Variants in PCDHGB2 observed in about 807,000 individuals in gnomAD.
PCDHGB2 encodes protocadherin gamma subfamily B, 2.
PCDHGB2 carries 55 observed loss-of-function variants against 59.3 expected under a neutral mutation model. The ratio of observed to expected loss-of-function variants is 0.93; its 90% CI spans 0.75 to 1.16. The LOEUF (loss-of-function observed/expected upper bound fraction) is 1.16, where lower values mean the gene tolerates loss of function less well. Among genes scored for constraint, PCDHGB2 ranks in the 50% most tolerant of loss-of-function variants. The pLI is 0.00. For synonymous variants in PCDHGB2, 516 were observed against 512.0 expected (o/e 1.01, Z -0.11); for missense variants, 1,228 against 1,198.5 (o/e 1.02, Z -0.36).
Position 141,420,935 on chromosome 5 carries a change from A to G in PCDHGB2, c.2421+58379A>G, listed in dbSNP as rs542779087. ...GTGATTCACAAAGGTGAGCGTAATCATTTCTTCTGGAATTTCTTAGTCGTT... is the reference window on the plus strand; with the variant it reads ...GTGATTCACAAAGGTGAGCGTAATCGTTTCTTCTGGAATTTCTTAGTCGTT... On this transcript the variant is annotated intron_variant, in intron 1 of 3. Coordinates refer to ENST00000522605, the MANE Select transcript of PCDHGB2 (RefSeq NM_018923.3). 2.6e-5 allele frequency: 10 copies of G among 380,486 alleles called. 1 individual carries two copies. Among genetic ancestry groups the G allele is most frequent in the African/African-American group, 1.7e-4 (8 of 47,720 alleles). The allele number at this position is 380,486 out of a possible 1,614,324, so 23.6% of individuals were successfully genotyped here.
intron 1 of PCDHGB2, among the ~76,000 whole-genome samples, chr5:141,459,376 G>A (rs72790056): frequency 0.022 from 3,347 of 152,266 alleles, 53 homozygotes; most frequent in South Asian, 0.04. Flanking sequence ...TATCAGCAGC[G>A]TGTTCCATTT....
chr5:141,497,858 C>T (rs920483410), intron 2 of PCDHGB2, among the ~76,000 whole-genome samples: 3 of 152,218 alleles, frequency 2.0e-5, no homozygotes, highest in Non-Finnish European at 2.9e-5. Flanking sequence ...TTTGATTCAG[C>T]GGCTCCAAAG....
At position 141,361,201 on chromosome 5, in the gene PCDHGB2, C is replaced by T; in HGVS notation, c.1066C>T (p.Leu356=). Residue 356 remains leucine, a synonymous_variant, in exon 1 of 4, where the codon CTA becomes TTA. Transcript: ENST00000522605. ...EVIVTSVSTP[L]PEDSPPGTVI... is the part of the protein sequence containing the mutation. The stretch of plus-strand genomic sequence containing the variant: ...TATTGTGACTTCAGTATCTACTCCC[C>T]TACCGGAGGATTCGCCACCAGGAAC... The T allele has an allele frequency of 6.2e-7, 1 of 1,613,980 alleles. No individual in the cohort carries two copies. Among genetic ancestry groups the T allele is most frequent in the Non-Finnish European group, 8.5e-7 (1 of 1,179,882 alleles).
chr5:141,404,628 C>T (rs1183309479), intron 1 of PCDHGB2: 2 of 1,614,100 alleles, frequency 1.2e-6, no homozygotes, highest in Non-Finnish European at 1.7e-6. Flanking sequence ...AATGACAATG[C>T]CCCAGAAATC....
At chr5:141,508,162 G>A (rs377676571) in intron 3 of PCDHGB2, 4 of 152,502 alleles carry the variant, frequency 2.6e-5, no homozygotes, top group African/African-American at 9.7e-5. Context: ...CCTGAGTAGA[G>A]GCTGGCACAG....
intron 1 of PCDHGB2, among the ~76,000 whole-genome samples, chr5:141,484,819 G>A (rs2099601374): frequency 1.3e-5 from 2 of 152,122 alleles, no homozygotes; most frequent in Admixed American, 1.3e-4. Flanking sequence ...GCCGTTGAGC[G>A]GGAGGAAGGC....
intron 1 of PCDHGB2, among the ~76,000 whole-genome samples, chr5:141,444,770 C>A (rs1382748105): frequency 2.6e-5 from 4 of 152,078 alleles, no homozygotes; most frequent in African/African-American, 9.7e-5. Context: ...TTTCTATATT[C>A]TTGATCATGT....
intron 1 of PCDHGB2, among the ~76,000 whole-genome samples, chr5:141,473,185 G>A (rs1171761852): frequency 1.3e-5 from 2 of 152,188 alleles, no homozygotes; most frequent in Non-Finnish European, 2.9e-5. Flanking sequence ...ACTTGAAGGA[G>A]TAAATGTATC....
Position 141,486,219 on chromosome 5 carries a change from A to G in PCDHGB2, c.2422-8588A>G. 1 of 1,614,134 alleles carries G rather than the reference A, an allele frequency of 6.2e-7. No individual in the cohort carries two copies. Among genetic ancestry groups the G allele is most frequent in the African/African-American group, 1.3e-5 (1 of 75,042 alleles). ...CTGGACGTAAATGACAATGCCCCTT[A>G]CATCACAGTGACCTCAGAGCTTGGA... On this transcript the variant is annotated intron_variant, in intron 1 of 3. Transcript: ENST00000522605. This position sits in a 1 kb window ranked among gnomAD's most constrained non-coding sequence, Gnocchi z 5.0.
chr5:141,386,298 A>T (rs1459802596), intron 1 of PCDHGB2, among the ~76,000 whole-genome samples: 1 of 152,242 alleles, frequency 6.6e-6, no homozygotes, highest in African/African-American at 2.4e-5. Flanking sequence ...ACATTTTAGT[A>T]AAGCTCAGTA....
intron 1 of PCDHGB2, chr5:141,394,323 T>A (rs1323089912): frequency 6.2e-7 from 1 of 1,613,982 alleles, no homozygotes; most frequent in South Asian, 1.1e-5. Flanking sequence ...CCTGTCCTCG[T>A]ATATCTCCAT....
intron 1 of PCDHGB2, among the ~76,000 whole-genome samples, chr5:141,435,175 C>T (rs1199067294): frequency 6.6e-6 from 1 of 152,030 alleles, no homozygotes; most frequent in East Asian, 1.9e-4. Context: ...TGGCTTTTAA[C>T]TACACTTGAG....
chr5:141,384,053 C>T (rs1329974843), intron 1 of PCDHGB2: 1 of 1,610,750 alleles, frequency 6.2e-7, no homozygotes, highest in Non-Finnish European at 8.5e-7. Context: ...GTGACCTGCA[C>T]CATTCCAGAA....
At chr5:141,423,836 GATA>G (rs752488755) in intron 1 of PCDHGB2, 23 of 1,275,246 alleles carry the variant, frequency 1.8e-5, no homozygotes, top group Non-Finnish European at 2.1e-5. Context: ...ATGAGATTAC[GATA>G]ATCTTTCAGA....
intron 1 of PCDHGB2, chr5:141,398,400 C>T: frequency 6.8e-7 from 1 of 1,465,224 alleles, no homozygotes; most frequent in Non-Finnish European, 9.5e-7. Context: ...GCAGGCTAGA[C>T]AGGGAGGAGA....
At chr5:141,499,331 TCA>T (rs2099791249) in intron 2 of PCDHGB2, among the ~76,000 whole-genome samples, 1 of 152,220 alleles carries the variant, frequency 6.6e-6, no homozygotes, top group African/African-American at 2.4e-5. Context: ...CTGCTCTCTC[TCA>T]GTTTGGGCAG....
intron 1 of PCDHGB2, chr5:141,430,844 A>C: frequency 6.4e-7 from 1 of 1,571,464 alleles, no homozygotes; most frequent in Non-Finnish European, 8.6e-7. Flanking sequence ...GACCGGATGC[A>C]CCCAGATACG....
At chr5:141,378,196 A>T (rs1197830416) in intron 1 of PCDHGB2, 1 of 152,188 alleles carries the variant, frequency 6.6e-6, no homozygotes, top group Non-Finnish European at 1.5e-5. Flanking sequence ...TGCCTACTAC[A>T]GTGTCTTTTG....
chr5:141,388,521 ACTGC>A, intron 1 of PCDHGB2: 1 of 1,613,840 alleles, frequency 6.2e-7, no homozygotes, highest in Non-Finnish European at 8.5e-7. Context: ...CTTGACTTTG[ACTGC>A]CTTGGACTTT....
Sources: allele counts gnomAD v4.1 joint callset (sites outside exome capture counted in the v4.1 genomes callset), GRCh38; gene constraint gnomAD v4.1.1; non-coding constraint Gnocchi (gnomAD v3.1); transcripts MANE v1.5; gene names NCBI Gene and HGNC (gene_info 2026-07-23, HGNC 2026-07-21).